The following NRXN3 variants were observed in gnomAD, a reference collection of about 807,000 sequenced individuals.
NRXN3 encodes neurexin III.
Under a neutral mutation model 137.6 loss-of-function variants are expected in NRXN3, and 32 were observed. The observed-to-expected ratio is 0.23, with a 90% confidence interval of 0.18 to 0.31. The LOEUF (loss-of-function observed/expected upper bound fraction) is 0.31, where lower values mean the gene tolerates loss of function less well. Ranked by LOEUF, NRXN3 falls within the 10% of genes least tolerant of loss-of-function variation. The pLI, the probability that NRXN3 is intolerant of heterozygous loss-of-function variation, is 1.00. For synonymous variants in NRXN3, 798 were observed against 784.5 expected, an observed-to-expected ratio of 1.02 and a Z score of -0.29; for missense variants, 1,574 against 2,062.5, an observed-to-expected ratio of 0.76 and a Z score of 4.59.
chr14:79,762,353 G>A (rs948745109), intron 19 of NRXN3, among the ~76,000 whole-genome samples: 1 of 151,706 alleles, frequency 6.6e-6, no homozygotes, highest in Non-Finnish European at 1.5e-5. Flanking sequence ...TAGTTAGAAA[G>A]TGTGTCGAAG....
intron 14 of NRXN3, among the ~76,000 whole-genome samples, chr14:78,975,240 G>A (rs2099460640): frequency 6.6e-6 from 1 of 152,162 alleles, no homozygotes; most frequent in Non-Finnish European, 1.5e-5. Context: ...GAGCATGAAG[G>A]AACACACTGG....
chr14:78,828,049 T>G (rs2098971959), intron 10 of NRXN3, among the ~76,000 whole-genome samples: 1 of 152,218 alleles, frequency 6.6e-6, no homozygotes, highest in African/African-American at 2.4e-5. Context: ...TTGGTTCATG[T>G]CGCAATTACC....
chr14:78,603,229 G>A (rs2097216546), intron 4 of NRXN3, among the ~76,000 whole-genome samples: 1 of 152,086 alleles, frequency 6.6e-6, no homozygotes, highest in Admixed American at 6.6e-5. Flanking sequence ...TTCCTGCCCT[G>A]TTTGTTTTGA....
intron 6 of NRXN3, among the ~76,000 whole-genome samples, chr14:78,699,703 AC>A (rs1030038683): frequency 8.5e-5 from 13 of 152,152 alleles, no homozygotes; most frequent in African/African-American, 3.1e-4. Flanking sequence ...CCACCTATTC[AC>A]CTCATCTTAA....
chr14:79,674,177 C>T (rs772271547), intron 17 of NRXN3, among the ~76,000 whole-genome samples: 26 of 152,032 alleles, frequency 1.7e-4, no homozygotes, highest in Non-Finnish European at 3.5e-4. Context: ...CTCTGCTCCC[C>T]TACCTAGTGT....
chr14:78,405,668 C>G (rs564520897), intron 4 of NRXN3, among the ~76,000 whole-genome samples: 1 of 151,838 alleles, frequency 6.6e-6, no homozygotes, highest in Non-Finnish European at 1.5e-5. Context: ...GGGAGCCTGG[C>G]GGGGAGCCAA....
intron 16 of NRXN3, among the ~76,000 whole-genome samples, chr14:79,592,105 C>A (rs2097810695): frequency 6.6e-6 from 1 of 152,266 alleles, no homozygotes; most frequent in Admixed American, 6.5e-5. Context: ...TCTAAGCAAC[C>A]ACTGATCTGA....
intron 4 of NRXN3, among the ~76,000 whole-genome samples, chr14:78,326,274 A>C (rs2080069454): frequency 6.6e-6 from 1 of 152,182 alleles, no homozygotes; most frequent in Admixed American, 6.5e-5. Context: ...TCATCTCTAC[A>C]CTGACCCAGT....
chr14:78,640,061 C>G (rs1357448221), intron 4 of NRXN3, among the ~76,000 whole-genome samples: 1 of 152,080 alleles, frequency 6.6e-6, no homozygotes, highest in African/African-American at 2.4e-5. Flanking sequence ...TGCCTTTGGT[C>G]TTTGGCTTTC....
intron 16 of NRXN3, among the ~76,000 whole-genome samples, chr14:79,469,591 C>A (rs2096473082): frequency 2.0e-5 from 3 of 151,740 alleles, no homozygotes; most frequent in Non-Finnish European, 4.4e-5. Context: ...ATGTAAAGAG[C>A]CCCCTGGGAT....
chr14:79,082,393 G>GTGTGTGTC (rs1263183282), intron 15 of NRXN3, among the ~76,000 whole-genome samples: 5 of 151,134 alleles, frequency 3.3e-5, no homozygotes, highest in Admixed American at 2.0e-4. Flanking sequence ...CAAACTAATT[G>GTGTGTGTC]TGTGTGTGTG....
chr14:79,601,432 A>G (rs1001360885), intron 16 of NRXN3, among the ~76,000 whole-genome samples: 1 of 152,132 alleles, frequency 6.6e-6, no homozygotes, highest in Non-Finnish European at 1.5e-5. Context: ...CTGTAATCCT[A>G]CCTGACAAAT....
chr14:78,491,173 C>G (rs887746002), intron 4 of NRXN3, among the ~76,000 whole-genome samples: 1 of 152,174 alleles, frequency 6.6e-6, no homozygotes, highest in South Asian at 2.1e-4. Context: ...ATGGCGTGAG[C>G]TGGTCCACAG....
At chr14:79,541,162 G>T (rs537928606) in intron 16 of NRXN3, among the ~76,000 whole-genome samples, 2 of 152,260 alleles carry the variant, frequency 1.3e-5, no homozygotes, top group Admixed American at 1.3e-4. Context: ...TGTAATCCCA[G>T]CACTTTGGGA....
intron 10 of NRXN3, among the ~76,000 whole-genome samples, chr14:78,950,930 T>G (rs1273161121): frequency 6.6e-6 from 1 of 152,126 alleles, no homozygotes; most frequent in African/African-American, 2.4e-5. Context: ...TTCTGGAATC[T>G]TTCCCTTTTC....
intron 15 of NRXN3, among the ~76,000 whole-genome samples, chr14:79,191,137 G>T (rs2064247061): frequency 6.6e-6 from 1 of 152,180 alleles, no homozygotes; most frequent in African/African-American, 2.4e-5. Context: ...GAGTTCTAAA[G>T]AAACTGCTAT....
chr14:78,905,752 C>T (rs1199199257), intron 10 of NRXN3, among the ~76,000 whole-genome samples: 1 of 151,906 alleles, frequency 6.6e-6, no homozygotes, highest in Non-Finnish European at 1.5e-5. Context: ...TTCTACAAAG[C>T]ATATTAATAT....
intron 15 of NRXN3, among the ~76,000 whole-genome samples, chr14:79,096,623 A>G (rs2050391736): frequency 6.6e-6 from 1 of 151,056 alleles, no homozygotes; most frequent in African/African-American, 2.4e-5. Flanking sequence ...AAAAAAAACT[A>G]CTAGCACTAT....
chr14:78,689,462 A>G (rs1157692705), intron 6 of NRXN3, among the ~76,000 whole-genome samples: 1 of 152,158 alleles, frequency 6.6e-6, no homozygotes, highest in Non-Finnish European at 1.5e-5. Flanking sequence ...AAACATGGGC[A>G]TAATTTCTGC....
Sources: allele counts gnomAD v4.1 joint callset (sites outside exome capture counted in the v4.1 genomes callset), GRCh38; gene constraint gnomAD v4.1.1; transcripts MANE v1.5; gene names NCBI Gene and HGNC (gene_info 2026-07-23, HGNC 2026-07-21).